NAT2: variants seen among roughly 807,000 people sequenced by gnomAD.
NAT2 encodes the protein N-acetyltransferase 2.
For synonymous variants in NAT2, 137 were observed against 125.9 expected (o/e 1.09, Z -0.59); for missense variants, 428 against 339.1 (o/e 1.26, Z -2.06).
In NAT2 at chr8:18,400,002, TC is replaced by T; in HGVS notation, c.-1del. 6.4e-7 allele frequency: 1 copy of T among 1,573,630 alleles called. No homozygotes were observed. Among genetic ancestry groups the T allele is most frequent in the African/African-American group, 1.4e-5 (1 of 73,454 alleles). On this transcript the variant is annotated 5_prime_UTR_variant, in exon 2 of 2. Transcript: ENST00000286479. The stretch of plus-strand genomic sequence containing the variant: ...TGTTTTGTTTTTCTTGCTTAGGGGA[TC>T]ATGGACATTGAAGCATATTTTGAAA...
Position 18,400,651 on chromosome 8 carries a change from A to C in NAT2, c.648A>C (p.Ser216=), listed in dbSNP as rs1800775807. The change falls in exon 2 of 2, where the codon TCA becomes TCC. Residue 216 remains serine, a synonymous_variant. Coordinates refer to ENST00000286479, the MANE Select transcript of NAT2 (RefSeq NM_000015.3). ...ACCTGCAGACGTCTCCAACATCTTC[A>C]TTTATAACCACATCATTTTGTTCCT... ...NTYLQTSPTS[S]FITTSFCSLQ... The C allele has an allele frequency of 3.7e-6, 6 of 1,613,896 alleles. No homozygotes were observed. The East Asian group carries it at 8.9e-5, about 24-fold the overall frequency.
Position 18,400,430 on chromosome 8 carries a change from C to G in NAT2, c.427C>G (p.Gln143Glu), listed in dbSNP as rs1800770402. 7.4e-6 allele frequency: 12 copies of G among 1,613,244 alleles called. No individual in the cohort carries two copies. The highest frequency in any genetic ancestry group is 1.3e-5 in the African/African-American group (1 of 74,914). ...TCTAGAATTAATTTCTGGGAAGGAT[C>G]AGCCTCAGGTGCCTTGCATTTTCTG... The part of the protein sequence containing the change: ...QPLELISGKD[Q>E]PQVPCIFCLT... The change falls in exon 2 of 2, where the codon CAG (glutamine) becomes GAG (glutamate). Residue 143 changes from glutamine to glutamate, a missense_variant. By Grantham distance (29) the Gln-to-Glu change is conservative. Transcript: ENST00000286479.
In NAT2 at chr8:18,400,194, G is replaced by A. The variant is rs1801279; in HGVS notation, c.191G>A (p.Arg64Gln). ...AIFDHIVRRN[R>Q]GGWCLQVNQL... ...TTTGATCACATTGTAAGAAGAAACC[G>A]GGGTGGGTGGTGTCTCCAGGTCAAT... The change falls in exon 2 of 2, where the codon CGG (arginine) becomes CAG (glutamine). Residue 64 changes from arginine (R) to glutamine (Q), a missense_variant. Physicochemically the swap from Arg to Gln is conservative, Grantham distance 43. Coordinates refer to ENST00000286479, the MANE Select transcript of NAT2 (RefSeq NM_000015.3). 4.6e-3 allele frequency: 7,342 copies of A among 1,613,190 alleles called. 273 individuals are homozygous for A. The African/African-American group carries it at 0.084, about 18-fold the overall frequency.
chr8:18,390,979 G>C (rs907373456), upstream of NAT2, among the ~76,000 whole-genome samples: 3 of 152,098 alleles, frequency 2.0e-5, no homozygotes, highest in Non-Finnish European at 4.4e-5. Flanking sequence ...TCCTTGACCT[G>C]TTTCAAGCTC....
At position 18,401,005 on chromosome 8, in the gene NAT2, C is replaced by T. The variant is rs1263303601; in HGVS notation, c.*129C>T. On this transcript the variant is annotated 3_prime_UTR_variant, in exon 2 of 2. Transcript: ENST00000286479. ...AATCCTAAACATCAAATACTTTCATCCATAAAAATGTCAGCATTTATTAAA... is the reference window on the plus strand; with the variant it reads ...AATCCTAAACATCAAATACTTTCATTCATAAAAATGTCAGCATTTATTAAA... The T allele has an allele frequency of 8.6e-6, 5 of 579,346 alleles. No homozygotes were observed. Among genetic ancestry groups the T allele is most frequent in the Non-Finnish European group, 1.4e-5 (5 of 359,866 alleles). The allele number at this position is 579,346 out of a possible 1,614,324, so 35.9% of individuals were successfully genotyped here.
In NAT2 at chr8:18,400,568, A is replaced by G. The variant is rs1800773062; in HGVS notation, c.565A>G (p.Ile189Val). 1.2e-6 allele frequency: 2 copies of G among 1,612,462 alleles called. No homozygotes were observed. The highest frequency in any genetic ancestry group is 2.7e-5 in the African/African-American group (2 of 74,680). ...CCTGCCAAAGAAGAAACACCAAAAAATATACTTATTTACGCTTGAACCTCG... is the reference window on the plus strand; with the variant it reads ...CCTGCCAAAGAAGAAACACCAAAAAGTATACTTATTTACGCTTGAACCTCG... ...HLLPKKKHQK[I>V]YLFTLEPRTI... is the part of the protein sequence containing the mutation. The change falls in exon 2 of 2, where the codon ATA becomes GTA. Residue 189 changes from isoleucine to valine, a missense_variant. Physicochemically the swap from Ile to Val is conservative, Grantham distance 29. Coordinates refer to ENST00000286479, the MANE Select transcript of NAT2 (RefSeq NM_000015.3).
chr8:18,393,474 T>A (rs28526210), intron 1 of NAT2, among the ~76,000 whole-genome samples: 3,654 of 151,372 alleles, frequency 0.024, 147 homozygotes, highest in African/African-American at 0.084. Context: ...CAGAAAAAAA[T>A]AAATAAATAA....
chr8:18,400,085 C>A lies in NAT2; in HGVS notation c.82C>A (p.Leu28Ile). The A allele has an allele frequency of 6.2e-7, 1 of 1,613,782 alleles. No individual in the cohort carries two copies. Among genetic ancestry groups the A allele is most frequent in the Non-Finnish European group, 8.5e-7 (1 of 1,179,864 alleles). ...GGACTTGGAAACATTAACTGACATT[C>A]TTGAGCACCAGATCCGGGCTGTTCC... is the stretch of plus-strand genomic sequence containing the variant. ...KLDLETLTDI[L>I]EHQIRAVPFE... Residue 28 changes from leucine (L) to isoleucine (I), a missense_variant, in exon 2 of 2, where the codon CTT becomes ATT. Transcript: ENST00000286479.
At chr8:18,394,243 T>C (rs931674468) in intron 1 of NAT2, among the ~76,000 whole-genome samples, 2 of 152,188 alleles carry the variant, frequency 1.3e-5, no homozygotes, top group Non-Finnish European at 2.9e-5. Context: ...CAGGCCATTT[T>C]CCCATCTTTT....
At chr8:18,394,112 A>AG (rs1373010503) in intron 1 of NAT2, among the ~76,000 whole-genome samples, 1 of 151,924 alleles carries the variant, frequency 6.6e-6, no homozygotes, top group Non-Finnish European at 1.5e-5. Flanking sequence ...GTACAGTCAA[A>AG]GGGGGGTTGT....
chr8:18,400,439 G>A lies in NAT2; in HGVS notation c.436G>A (p.Val146Met), dbSNP rs1800770693. Residue 146 changes from valine to methionine, a missense_variant, in exon 2 of 2, where the codon GTG (valine) becomes ATG (methionine). Val to Met is a conservative substitution (Grantham distance 21). Transcript: ENST00000286479. ...AATTTCTGGGAAGGATCAGCCTCAGGTGCCTTGCATTTTCTGCTTGACAGA... is the reference window on the plus strand; with the variant it reads ...AATTTCTGGGAAGGATCAGCCTCAGATGCCTTGCATTTTCTGCTTGACAGA... Reference protein sequence around the residue: ...ELISGKDQPQVPCIFCLTEER... With the variant: ...ELISGKDQPQMPCIFCLTEER... The A allele has an allele frequency of 2.5e-6, 4 of 1,613,722 alleles. No homozygotes were observed. The South Asian group carries it at 4.4e-5, about 18-fold the overall frequency.
chr8:18,399,145 C>T (rs11782802), intron 1 of NAT2, among the ~76,000 whole-genome samples: 8,762 of 152,206 alleles, frequency 0.058, 325 homozygotes, highest in Middle Eastern at 0.085. Context: ...GTTTCCTCAA[C>T]ACTTGGGACA....
intron 1 of NAT2, among the ~76,000 whole-genome samples, chr8:18,393,087 C>G (rs1232402844): frequency 6.6e-6 from 1 of 151,570 alleles, no homozygotes; most frequent in African/African-American, 2.4e-5. Flanking sequence ...TGCTTGTTGG[C>G]CAGTGGAAAC....
chr8:18,396,250 A>G (rs1800688018), intron 1 of NAT2, among the ~76,000 whole-genome samples: 1 of 151,684 alleles, frequency 6.6e-6, no homozygotes, highest in Non-Finnish European at 1.5e-5. Context: ...CTGGCCCTGA[A>G]TTAGTATGCT....
At chr8:18,394,684 G>T (rs1411879975) in intron 1 of NAT2, among the ~76,000 whole-genome samples, 1 of 152,132 alleles carries the variant, frequency 6.6e-6, no homozygotes, top group African/African-American at 2.4e-5. Flanking sequence ...AACCTGTAAA[G>T]GAACTGCATA....
chr8:18,389,488 G>A (rs987632502), upstream of NAT2, among the ~76,000 whole-genome samples: 60 of 152,316 alleles, frequency 3.9e-4, 1 homozygote, highest in African/African-American at 1.3e-3. Flanking sequence ...CTATTCACCC[G>A]TATTCACTGG....
Position 18,400,106 on chromosome 8 carries a change from G to GA in NAT2, c.103_104insA (p.Val35AspfsTer4). Reference sequence around the variant, plus strand: ...CATTCTTGAGCACCAGATCCGGGCTGTTCCCTTTGAGAACCTTAACATGCA... The same window carrying GA: ...CATTCTTGAGCACCAGATCCGGGCTGATTCCCTTTGAGAACCTTAACATGCA... On this transcript the variant is annotated frameshift_variant, in exon 2 of 2. Coordinates refer to ENST00000286479, the MANE Select transcript of NAT2 (RefSeq NM_000015.3). LOFTEE classifies it low-confidence loss of function (END_TRUNC). 2.5e-6 allele frequency: 4 copies of GA among 1,614,068 alleles called. No homozygotes were observed. The highest frequency in any genetic ancestry group is 3.4e-6 in the Non-Finnish European group (4 of 1,179,972).
chr8:18,388,921 G>A (rs1327888449), upstream of NAT2, among the ~76,000 whole-genome samples: 5 of 152,128 alleles, frequency 3.3e-5, no homozygotes, highest in Admixed American at 3.3e-4. Context: ...ATTTTGGTTT[G>A]AAGGTCTTGA....
chr8:18,400,572 A>G lies in NAT2; in HGVS notation c.569A>G (p.Tyr190Cys), dbSNP rs374761885. Residue 190 changes from tyrosine to cysteine, a missense_variant, in exon 2 of 2, where the codon TAC becomes TGC. Tyr to Cys is a radical substitution (Grantham distance 194). Coordinates refer to ENST00000286479, the MANE Select transcript of NAT2 (RefSeq NM_000015.3). The part of the protein sequence containing the change: ...LLPKKKHQKI[Y>C]LFTLEPRTIE... The stretch of plus-strand genomic sequence containing the variant: ...CCAAAGAAGAAACACCAAAAAATAT[A>G]CTTATTTACGCTTGAACCTCGAACA... 12 of 1,612,368 alleles carry G rather than the reference A, an allele frequency of 7.4e-6. No individual in the cohort carries two copies. In the African/African-American group the frequency reaches 1.2e-4, roughly 16 times the overall value.
Sources: gnomAD v4.1 joint callset for allele counts (sites outside exome capture counted in the v4.1 genomes callset) on GRCh38, gnomAD v4.1.1 for gene constraint, MANE v1.5 for transcripts, NCBI Gene and HGNC (gene_info 2026-07-23, HGNC 2026-07-21) for gene names.